TRPM4: variants seen among roughly 807,000 people sequenced by gnomAD.
TRPM4 encodes transient receptor potential cation channel subfamily M member 4.
A neutral mutation model predicts 135.6 loss-of-function variants in TRPM4; 124 were observed. The observed-to-expected ratio is 0.91, with a 90% confidence interval of 0.79 to 1.06. The LOEUF is 1.06. Ranked by LOEUF, TRPM4 falls within the 50% of genes least tolerant of loss-of-function variation. The pLI is 0.00. For missense variants in TRPM4, 1,658 were observed against 1,671.4 expected (o/e 0.99, Z 0.14); for synonymous variants, 745 against 705.6 (o/e 1.06, Z -0.88).
chr19:49,211,739 C>T lies in TRPM4; in HGVS notation c.*241C>T, dbSNP rs1219508379. On this transcript the variant is annotated 3_prime_UTR_variant, in exon 25 of 25. Coordinates refer to ENST00000252826, the MANE Select transcript of TRPM4 (RefSeq NM_017636.4). The surrounding 1 kb of genome is among the most constrained non-coding windows in gnomAD (Gnocchi z 4.8). ...AAGGCCTGGATCCCGGGCCGTTATC[C>T]ATCTGGAGGCTGCAGGGTCCTTGGG... 1.6e-6 allele frequency: 1 copy of T among 606,272 alleles called. No homozygotes were observed. Among genetic ancestry groups the T allele is most frequent in the Non-Finnish European group, 2.9e-6 (1 of 341,632 alleles). The allele number at this position is 606,272 out of a possible 1,614,324, so 37.6% of individuals were successfully genotyped here. A position where few individuals can be genotyped will look rare whatever the true frequency, so the allele number is the denominator to read the frequency against.
chr19:49,202,682 C>T (rs1402617009), intron 20 of TRPM4, among the ~76,000 whole-genome samples: 1 of 151,734 alleles, frequency 6.6e-6, no homozygotes, highest in Non-Finnish European at 1.5e-5. Context: ...ACCTCCACTT[C>T]CCACTCCCCC....
chr19:49,183,287 A>G (rs907204427), intron 12 of TRPM4, 75 bp downstream of exon 12: 9 of 1,599,180 alleles, frequency 5.6e-6, no homozygotes, highest in African/African-American at 5.3e-5. Flanking sequence ...AACAATTACC[A>G]TACAATTCCC....
At chr19:49,199,006 A>C (rs1968807335) in intron 17 of TRPM4, among the ~76,000 whole-genome samples, 2 of 152,120 alleles carry the variant, frequency 1.3e-5, no homozygotes, top group South Asian at 4.1e-4. Flanking sequence ...CCTTCTAAGT[A>C]GCTTCACTCA....
intron 20 of TRPM4, among the ~76,000 whole-genome samples, chr19:49,204,605 C>T (rs551432562): frequency 7.2e-5 from 11 of 152,180 alleles, no homozygotes; most frequent in African/African-American, 2.6e-4. Context: ...CACTTCACAC[C>T]TGCAGCCTCA....
At chr19:49,179,645 C>T (rs538276978) in intron 9 of TRPM4, among the ~76,000 whole-genome samples, 134 of 152,336 alleles carry the variant, frequency 8.8e-4, no homozygotes, top group African/African-American at 3.2e-3. Context: ...CCACGGCGCC[C>T]GGCCTGTAAA....
chr19:49,187,265 T>G (rs1190491367), intron 12 of TRPM4, among the ~76,000 whole-genome samples: 1 of 151,984 alleles, frequency 6.6e-6, no homozygotes, highest in African/African-American at 2.4e-5. Context: ...CAACTTTTGA[T>G]AGCTATTGAT....
chr19:49,157,955 A>G (rs1441758970), intron 1 of TRPM4, 65 bp downstream of exon 1: 1 of 1,509,500 alleles, frequency 6.6e-7, no homozygotes, highest in African/African-American at 1.4e-5. Context: ...GCTCCCAGAG[A>G]GGAGGGCGCT....
At chr19:49,170,973 C>T (rs1967430161) in intron 6 of TRPM4, among the ~76,000 whole-genome samples, 1 of 152,066 alleles carries the variant, frequency 6.6e-6, no homozygotes. Flanking sequence ...GTCCCAGCTA[C>T]TTAGAAGGCT....
In TRPM4 at chr19:49,165,374, G is replaced by A. The variant is rs557410425; in HGVS notation, c.93-667G>A. Among the ~76,000 whole-genome samples, 113 of 152,314 alleles carry A rather than the reference G, an allele frequency of 7.4e-4. 1 individual carries two copies. Among genetic ancestry groups the A allele is most frequent in the African/African-American group, 2.6e-3 (107 of 41,564 alleles). On this transcript the variant is annotated intron_variant, in intron 2 of 24. Coordinates refer to ENST00000252826, the MANE Select transcript of TRPM4 (RefSeq NM_017636.4). Reference sequence around the variant, plus strand: ...CAAAAATATTCTAGCACCCGGCTGAGCCTCTCTCCTTGACAGTCGTCAGGA... The same window carrying A: ...CAAAAATATTCTAGCACCCGGCTGAACCTCTCTCCTTGACAGTCGTCAGGA...
intron 16 of TRPM4, among the ~76,000 whole-genome samples, chr19:49,195,888 T>C (rs1968614945): frequency 6.6e-6 from 1 of 150,786 alleles, no homozygotes; most frequent in Non-Finnish European, 1.5e-5. Context: ...ATTATTATTA[T>C]TATTTTTGAG....
chr19:49,181,468 G>T lies in TRPM4; in HGVS notation c.1263+7G>T. ...GGGGGACATCCAATGGCGGGTGAGG[G>T]GTCAGGGCCTGGGGGTTGGGCATAC... On this transcript the variant is annotated splice_region_variant and intron_variant, in intron 10 of 24. Transcript: ENST00000252826. 1 of 1,606,230 alleles carries T rather than the reference G, an allele frequency of 6.2e-7. No individual in the cohort carries two copies. Among genetic ancestry groups the T allele is most frequent in the Non-Finnish European group, 8.5e-7 (1 of 1,173,870 alleles).
Position 49,168,435 on chromosome 19 carries a change from G to C in TRPM4, c.612+12G>C. 1 of 1,613,972 alleles carries C rather than the reference G, an allele frequency of 6.2e-7. No individual in the cohort carries two copies. The highest frequency in any genetic ancestry group is 1.1e-5 in the South Asian group (1 of 91,080). ...TCATCAACCCCAAGGTGTGACCCAGGGACTTGGAAAAGGGGGCTGGAGGCC... is the reference window on the plus strand; with the variant it reads ...TCATCAACCCCAAGGTGTGACCCAGCGACTTGGAAAAGGGGGCTGGAGGCC... On this transcript the variant is annotated intron_variant, in intron 5 of 24. Transcript: ENST00000252826.
In TRPM4 at chr19:49,157,833, C is replaced by G. The variant is rs1378757677; in HGVS notation, c.-34C>G. The G allele has an allele frequency of 2.0e-6, 3 of 1,534,072 alleles. No individual in the cohort carries two copies. Among genetic ancestry groups the G allele is most frequent in the East Asian group, 4.9e-5 (2 of 40,892 alleles). On this transcript the variant is annotated 5_prime_UTR_variant, in exon 1 of 25. Transcript: ENST00000252826. ...AGCCGGCGGAGGGAGCGCCGGGGCC[C>G]TGGGCTGCAGGAGGTTGCGGCGGCC... is the stretch of plus-strand genomic sequence containing the variant.
chr19:49,171,775 A>C lies in TRPM4; in HGVS notation c.1050+6A>C, dbSNP rs1967470002. ...TTGAGGTCCTGCAGGCCCAGGTATG[A>C]CACTGGGGGCCCAACTCTGGATCCT... On this transcript the variant is annotated splice_donor_region_variant and intron_variant, in intron 8 of 24. Transcript: ENST00000252826. This position sits in a 1 kb window ranked among gnomAD's most constrained non-coding sequence, Gnocchi z 4.7. 1 of 1,607,066 alleles carries C rather than the reference A, an allele frequency of 6.2e-7. No homozygotes were observed. The highest frequency in any genetic ancestry group is 1.4e-5 in the African/African-American group (1 of 74,040).
intron 9 of TRPM4, 36 bp from the exon 10 acceptor site, chr19:49,181,313 C>G: frequency 6.6e-7 from 1 of 1,508,554 alleles, no homozygotes. Context: ...CCCTCCTCCC[C>G]TGACTTCTTG....
chr19:49,197,357 TTTC>T (rs1194463603), intron 17 of TRPM4, among the ~76,000 whole-genome samples: 1 of 120,234 alleles, frequency 8.3e-6, no homozygotes, highest in Non-Finnish European at 1.6e-5. Flanking sequence ...TCTTTCTTTC[TTTC>T]TTTCTCTCTC....
At chr19:49,203,164 TAC>T (rs1180963955) in intron 20 of TRPM4, among the ~76,000 whole-genome samples, 1 of 151,810 alleles carries the variant, frequency 6.6e-6, no homozygotes, top group African/African-American at 2.4e-5. Context: ...GTGCTAGGAT[TAC>T]AGGCGTGAGC....
At chr19:49,170,200 A>AT (rs1190895937) in intron 6 of TRPM4, among the ~76,000 whole-genome samples, 10 of 152,046 alleles carry the variant, frequency 6.6e-5, no homozygotes, top group Non-Finnish European at 1.3e-4. Flanking sequence ...TTATTTATTT[A>AT]TTTTTTTGAG....
At chr19:49,194,577 T>C (rs1435144183) in intron 16 of TRPM4, among the ~76,000 whole-genome samples, 1 of 150,358 alleles carries the variant, frequency 6.7e-6, no homozygotes, top group Admixed American at 6.7e-5. Flanking sequence ...CTTCCTTCCT[T>C]CTTTCCTTCC....
Sources: allele counts gnomAD v4.1 joint callset (sites outside exome capture counted in the v4.1 genomes callset), GRCh38; gene constraint gnomAD v4.1.1; non-coding constraint Gnocchi (gnomAD v3.1); transcripts MANE v1.5; gene names NCBI Gene and HGNC (gene_info 2026-07-23, HGNC 2026-07-21).